Variants in SETD4 observed in about 807,000 individuals in gnomAD.
SETD4 encodes SET domain containing 4.
A neutral mutation model predicts 58.3 loss-of-function variants in SETD4; 46 were observed. The ratio of observed to expected loss-of-function variants is 0.79; its 90% confidence interval spans 0.62 to 1.01. SETD4 has a LOEUF of 1.01. SETD4 is among the 50% of genes least tolerant of loss of function. The probability of loss-of-function intolerance (pLI) is 0.00; values close to 1 mark genes in which losing one functional copy is unlikely to be tolerated. For missense variants in SETD4, 490 were observed against 523.3 expected, an observed-to-expected ratio of 0.94 and a Z score of 0.62; for synonymous variants, 190 against 202.6, an observed-to-expected ratio of 0.94 and a Z score of 0.53.
intron 8 of SETD4, among the ~76,000 whole-genome samples, chr21:36,041,122 T>G (rs1235396429): frequency 1.7e-5 from 2 of 116,340 alleles, no homozygotes; most frequent in Non-Finnish European, 3.2e-5. Context: ...ATTGCGCCAC[T>G]GCACTCCAGC....
intron 3 of SETD4, among the ~76,000 whole-genome samples, chr21:36,055,463 T>A (rs983029845): frequency 1.5e-4 from 23 of 152,200 alleles, no homozygotes; most frequent in African/African-American, 4.6e-4. Flanking sequence ...CTAGTGCTTT[T>A]GGTGGTGAAA....
At chr21:36,051,026 C>A in intron 4 of SETD4, 1 of 1,526,694 alleles carries the variant, frequency 6.6e-7, no homozygotes, top group East Asian at 2.2e-5. Flanking sequence ...TGAAAGATGG[C>A]AGCTCCTTCT....
In SETD4 at chr21:36,035,312, G is replaced by A. The variant is rs1217717128; in HGVS notation, c.*681C>T. On this transcript the variant is annotated 3_prime_UTR_variant, in exon 12 of 12. Coordinates refer to ENST00000332131, the MANE Select transcript of SETD4 (RefSeq NM_017438.5). ...GACCTACACTGAACCCCAGAATCAAGCAGACAGGCCCACCACGGCCCAGCT... is the reference window on the plus strand; with the variant it reads ...GACCTACACTGAACCCCAGAATCAAACAGACAGGCCCACCACGGCCCAGCT... 6.6e-6 allele frequency: 1 copy of A among 152,458 alleles called. No individual in the cohort carries two copies. The highest frequency in any genetic ancestry group is 1.9e-4 in the East Asian group (1 of 5,194). The allele number at this position is 152,458 out of a possible 1,614,324, so 9.4% of individuals were successfully genotyped here. A position where few individuals can be genotyped will look rare whatever the true frequency, so the allele number is the denominator to read the frequency against.
chr21:36,041,730 C>G, intron 8 of SETD4, 77 bp downstream of exon 8: 1 of 998,004 alleles, frequency 1.0e-6, no homozygotes, highest in East Asian at 2.7e-5. Flanking sequence ...GTCTCACCCC[C>G]ATGGAAAATT....
Position 36,036,125 on chromosome 21 carries a change from A to G in SETD4, c.1315T>C (p.Phe439Leu), listed in dbSNP as rs1289205486. ...AATGCGCTTCGGTGAAATCAGGTAAAAGCTGTTTGCAAACTGTGCAGGGTC... is the reference window on the plus strand; with the variant it reads ...AATGCGCTTCGGTGAAATCAGGTAAGAGCTGTTTGCAAACTGTGCAGGGTC... Reference protein sequence around the residue: ...AETLHSLQTAFT With the variant: ...AETLHSLQTALT The change falls in exon 11 of 12, where the codon TTT (phenylalanine) becomes CTT (leucine). Residue 439 changes from phenylalanine to leucine, a missense_variant. Physicochemically the swap from Phe to Leu is conservative, Grantham distance 22. Transcript: ENST00000332131. 2 of 1,614,206 alleles carry G rather than the reference A, an allele frequency of 1.2e-6. No individual in the cohort carries two copies. The highest frequency in any genetic ancestry group is 2.2e-5 in the South Asian group (2 of 91,080).
intron 4 of SETD4, among the ~76,000 whole-genome samples, chr21:36,048,657 A>C (rs1311046139): frequency 2.0e-5 from 3 of 151,708 alleles, no homozygotes; most frequent in African/African-American, 7.3e-5. Flanking sequence ...CAAGCAGTCA[A>C]CCCTTCACCA....
intron 3 of SETD4, among the ~76,000 whole-genome samples, chr21:36,056,096 T>C (rs962956758): frequency 6.6e-6 from 1 of 152,176 alleles, no homozygotes; most frequent in Non-Finnish European, 1.5e-5. Flanking sequence ...GGGGCCTTAA[T>C]AGAAAATGGC....
chr21:36,036,874 GACA>G (rs146383864), intron 10 of SETD4, among the ~76,000 whole-genome samples: 132 of 152,306 alleles, frequency 8.7e-4, no homozygotes, highest in African/African-American at 3.1e-3. Flanking sequence ...TGTCATTTGT[GACA>G]ACGTGGATGA....
intron 3 of SETD4, among the ~76,000 whole-genome samples, chr21:36,056,004 C>A (rs891668246): frequency 1.1e-4 from 16 of 152,172 alleles, no homozygotes; most frequent in Non-Finnish European, 1.6e-4. Flanking sequence ...GTGGCTTTTA[C>A]TGACCATCTT....
intron 3 of SETD4, among the ~76,000 whole-genome samples, chr21:36,056,715 G>A (rs1490948584): frequency 1.3e-5 from 2 of 152,022 alleles, no homozygotes; most frequent in Admixed American, 1.3e-4. Flanking sequence ...ACACCACCGC[G>A]CCTGGCTAAC....
chr21:36,059,049 A>G (rs2065137859), intron 1 of SETD4, 125 bp from the exon 2 acceptor site: 1 of 1,151,862 alleles, frequency 8.7e-7, no homozygotes, highest in Non-Finnish European at 1.2e-6. Context: ...TTAAGTATAC[A>G]AATGTATGTT....
Position 36,045,862 on chromosome 21 carries a change from T to C in SETD4, c.446A>G (p.Asn149Ser). ...CPVCLEPEVV[N>S]LLPKSLKAKA... ...TGCTTTTAAAGATTTGGGAAGAAGG[T>C]TCACCACTTCCGGCTCCAAACAAAC... Residue 149 changes from asparagine (N) to serine (S), a missense_variant, in exon 6 of 12, where the codon AAC (asparagine) becomes AGC (serine). Coordinates refer to ENST00000332131, the MANE Select transcript of SETD4 (RefSeq NM_017438.5). 1 of 1,614,180 alleles carries C rather than the reference T, an allele frequency of 6.2e-7. No homozygotes were observed. Among genetic ancestry groups the C allele is most frequent in the Non-Finnish European group, 8.5e-7 (1 of 1,180,028 alleles).
At chr21:36,060,006 C>A in intron 1 of SETD4, 1 of 985,700 alleles carries the variant, frequency 1.0e-6, no homozygotes, top group Non-Finnish European at 1.2e-6. Context: ...ACACAGGCAC[C>A]GTCCCCGCCC....
chr21:36,052,900 G>A (rs1222280989), intron 4 of SETD4: 1 of 152,250 alleles, frequency 6.6e-6, no homozygotes, highest in Non-Finnish European at 1.5e-5. Flanking sequence ...TCCTCCCCTA[G>A]CTCTGGTTTC....
rs746563908 is a variant in SETD4 at position 36,043,971 on chromosome 21, T to C, written c.727-15A>G. 2 of 1,612,068 alleles carry C rather than the reference T, an allele frequency of 1.2e-6. No individual in the cohort carries two copies. Among genetic ancestry groups the C allele is most frequent in the Middle Eastern group, 1.7e-4 (1 of 6,052 alleles). ...GCTGCTTTTACCTAGAAAGAAAAACTGTTAAGGTATTTTTTAAAGTAAGGT... is the reference window on the plus strand; with the variant it reads ...GCTGCTTTTACCTAGAAAGAAAAACCGTTAAGGTATTTTTTAAAGTAAGGT... On this transcript the variant is annotated splice_polypyrimidine_tract_variant and intron_variant, in intron 6 of 11. Coordinates refer to ENST00000332131, the MANE Select transcript of SETD4 (RefSeq NM_017438.5).
chr21:36,050,411 G>A, intron 4 of SETD4: 3 of 1,614,162 alleles, frequency 1.9e-6, no homozygotes, highest in Non-Finnish European at 2.5e-6. Flanking sequence ...TCAATGGAGA[G>A]CTAATCACTG....
At chr21:36,057,052 G>A (rs2123775894) in intron 3 of SETD4, 57 bp downstream of exon 3, 4 of 1,383,836 alleles carry the variant, frequency 2.9e-6, no homozygotes, top group Non-Finnish European at 4.1e-6. Context: ...AGTGGCCCCT[G>A]CTGTCTACCT....
chr21:36,042,684 T>C (rs1246619454), intron 7 of SETD4: 8 of 152,226 alleles, frequency 5.3e-5, no homozygotes, highest in Admixed American at 3.3e-4. Context: ...TTGCCGTTTT[T>C]TCATGGCCTA....
At chr21:36,036,061 C>A (rs2063764471) in intron 11 of SETD4, 24 bp downstream of exon 11, 1 of 1,611,600 alleles carries the variant, frequency 6.2e-7, no homozygotes, top group Non-Finnish European at 8.5e-7. Context: ...AAACCTTAGT[C>A]TAAAATGTGT....
Sources: allele counts gnomAD v4.1 joint callset (sites outside exome capture counted in the v4.1 genomes callset), GRCh38; gene constraint gnomAD v4.1.1; transcripts MANE v1.5; gene names NCBI Gene and HGNC (gene_info 2026-07-23, HGNC 2026-07-21).